CPA6: variants seen among roughly 807,000 people sequenced by gnomAD.
CPA6 encodes the protein carboxypeptidase A6.
In CPA6, 58 loss-of-function variants were observed where a neutral mutation model predicts 63.3. The ratio of observed to expected loss-of-function variants is 0.92; its 90% CI spans 0.74 to 1.14. The LOEUF is 1.14. CPA6 is among the 50% of genes most tolerant of loss of function. The pLI is 0.00. For missense variants in CPA6, 565 were observed against 526.6 expected (o/e 1.07, Z -0.71); for synonymous variants, 185 against 179.0 (o/e 1.03, Z -0.27).
intron 2 of CPA6, among the ~76,000 whole-genome samples, chr8:67,563,858 A>C (rs537908863): frequency 1.9e-4 from 29 of 152,278 alleles, no homozygotes; most frequent in African/African-American, 6.5e-4. Flanking sequence ...AGTTAGAATT[A>C]TTTATCCACC....
At chr8:67,573,612 G>A (rs142619629) in intron 2 of CPA6, among the ~76,000 whole-genome samples, 1 of 150,486 alleles carries the variant, frequency 6.6e-6, no homozygotes, top group Non-Finnish European at 1.5e-5. Flanking sequence ...AAGGAAAGAG[G>A]CCGGGCACGG....
At chr8:67,503,767 G>A (rs1811875889) in intron 6 of CPA6, among the ~76,000 whole-genome samples, 1 of 151,600 alleles carries the variant, frequency 6.6e-6, no homozygotes, top group Admixed American at 6.6e-5. Flanking sequence ...TTAAGTTCTG[G>A]GATACATGTC....
intron 1 of CPA6, among the ~76,000 whole-genome samples, chr8:67,627,200 C>CA (rs1206382876): frequency 1.3e-5 from 2 of 152,200 alleles, no homozygotes; most frequent in Non-Finnish European, 2.9e-5. Context: ...CAAAGCCCAA[C>CA]AAGAGCTCTT....
At chr8:67,665,192 A>G (rs1481299279) in intron 1 of CPA6, among the ~76,000 whole-genome samples, 2 of 152,242 alleles carry the variant, frequency 1.3e-5, no homozygotes, top group Non-Finnish European at 2.9e-5. Context: ...AAAACAAAAC[A>G]CCAACAACAT....
chr8:67,485,889 A>C (rs965326002), intron 6 of CPA6, among the ~76,000 whole-genome samples: 9 of 152,222 alleles, frequency 5.9e-5, no homozygotes, highest in African/African-American at 2.2e-4. Flanking sequence ...GGTCTATAAC[A>C]ATTCACCAAA....
intron 1 of CPA6, among the ~76,000 whole-genome samples, chr8:67,721,641 G>A (rs928601366): frequency 6.6e-6 from 1 of 152,136 alleles, no homozygotes; most frequent in Non-Finnish European, 1.5e-5. Context: ...ACTTTCTATG[G>A]CAAGGCTGGT....
intron 2 of CPA6, among the ~76,000 whole-genome samples, chr8:67,552,773 T>TAAA (rs1563997380): frequency 2.3e-4 from 2 of 8,692 alleles, no homozygotes; most frequent in South Asian, 3.9e-3. Context: ...CAAGACTGTC[T>TAAA]CAAAAAAAAA....
At chr8:67,537,131 A>C (rs1047882975) in intron 2 of CPA6, among the ~76,000 whole-genome samples, 2 of 152,188 alleles carry the variant, frequency 1.3e-5, no homozygotes, top group African/African-American at 4.8e-5. Flanking sequence ...ATCGATGTTC[A>C]TCAGGGATAT....
chr8:67,698,481 T>C (rs142200819), intron 1 of CPA6, among the ~76,000 whole-genome samples: 174 of 152,316 alleles, frequency 1.1e-3, no homozygotes, highest in African/African-American at 3.8e-3. Flanking sequence ...TTTGGGATAT[T>C]ATTGTGTGCT....
At chr8:67,531,367 A>T (rs1054001879) in intron 2 of CPA6, among the ~76,000 whole-genome samples, 2 of 152,152 alleles carry the variant, frequency 1.3e-5, no homozygotes, top group Admixed American at 6.6e-5. Context: ...CATGCTGGTT[A>T]CCAGAGACAC....
chr8:67,745,948 T>C, intron 1 of CPA6, 66 bp downstream of exon 1: 1 of 1,208,870 alleles, frequency 8.3e-7, no homozygotes, highest in Non-Finnish European at 1.2e-6. Context: ...TGAGGCACAC[T>C]CTGGAGCAAA....
At chr8:67,665,635 T>C (rs1262858248) in intron 1 of CPA6, among the ~76,000 whole-genome samples, 1 of 152,246 alleles carries the variant, frequency 6.6e-6, no homozygotes, top group Non-Finnish European at 1.5e-5. Context: ...TATGGCATTT[T>C]TCTTTTTATG....
intron 1 of CPA6, among the ~76,000 whole-genome samples, chr8:67,733,632 ACTTAAAGAAGTG>A (rs1817757479): frequency 6.6e-6 from 1 of 152,080 alleles, no homozygotes; most frequent in East Asian, 1.9e-4. Context: ...ATTCACTAGG[ACTTAAAGAAGTG>A]CTGTATTCCT....
chr8:67,577,691 T>C (rs576017591), intron 2 of CPA6, among the ~76,000 whole-genome samples: 2 of 152,234 alleles, frequency 1.3e-5, no homozygotes, highest in East Asian at 3.9e-4. Context: ...CTGCCTAAAT[T>C]AAGCAGTAAA....
intron 3 of CPA6, among the ~76,000 whole-genome samples, chr8:67,514,978 T>C (rs1812112744): frequency 6.6e-6 from 1 of 152,210 alleles, no homozygotes; most frequent in South Asian, 2.1e-4. Flanking sequence ...GCTGTAGATA[T>C]CCTTCTGGCA....
At chr8:67,442,008 T>A (rs2128953958) in intron 8 of CPA6, among the ~76,000 whole-genome samples, 1 of 152,248 alleles carries the variant, frequency 6.6e-6, no homozygotes, top group African/African-American at 2.4e-5. Flanking sequence ...ATATAATGAA[T>A]GTAGAATGAA....
At chr8:67,543,246 T>C (rs1246343098) in intron 2 of CPA6, among the ~76,000 whole-genome samples, 1 of 152,254 alleles carries the variant, frequency 6.6e-6, no homozygotes, top group Non-Finnish European at 1.5e-5. Context: ...TCTATCTTCA[T>C]GCTATTTCAA....
intron 8 of CPA6, among the ~76,000 whole-genome samples, chr8:67,447,828 A>G (rs1378098453): frequency 6.6e-6 from 1 of 151,992 alleles, no homozygotes; most frequent in African/African-American, 2.4e-5. Context: ...TCTGTCACCC[A>G]GGCTGGAGTG....
intron 1 of CPA6, among the ~76,000 whole-genome samples, chr8:67,716,816 C>A (rs906215470): frequency 2.0e-5 from 3 of 152,142 alleles, no homozygotes; most frequent in Non-Finnish European, 4.4e-5. Context: ...CCTTTTGCAG[C>A]CTTTATCTTA....
Sources: allele counts gnomAD v4.1 joint callset (sites outside exome capture counted in the v4.1 genomes callset), GRCh38; gene constraint gnomAD v4.1.1; transcripts MANE v1.5; gene names NCBI Gene and HGNC (gene_info 2026-07-23, HGNC 2026-07-21).